The following SLC24A2 variants were observed in gnomAD, a reference collection of about 807,000 sequenced individuals.
SLC24A2 encodes solute carrier family 24 member 2.
A neutral mutation model predicts 62.0 loss-of-function variants in SLC24A2; 36 were observed. That is an observed-to-expected ratio of 0.58 (90% CI 0.44 to 0.77). SLC24A2 has a LOEUF of 0.77. SLC24A2 is among the 30% of genes least tolerant of loss of function. The probability of loss-of-function intolerance (pLI) is 0.00; values close to 1 mark genes in which losing one functional copy is unlikely to be tolerated. For synonymous variants in SLC24A2, 358 were observed against 294.0 expected (o/e 1.22, Z -2.23); for missense variants, 846 against 817.9 (o/e 1.03, Z -0.42).
the SLC24A2 span, among the ~76,000 whole-genome samples, chr9:20,078,021 G>T: frequency 6.6e-6 from 1 of 152,238 alleles, no homozygotes; most frequent in South Asian, 2.1e-4. Flanking sequence ...GGCACAGGGT[G>T]GGCACAGGGC....
the SLC24A2 span, among the ~76,000 whole-genome samples, chr9:20,018,606 C>G: frequency 6.6e-6 from 1 of 152,066 alleles, no homozygotes; most frequent in East Asian, 1.9e-4. Context: ...ACTTTTATAG[C>G]TTAAAAATTA....
At chr9:19,593,252 G>GTTCT (rs1836609731) in intron 5 of SLC24A2, among the ~76,000 whole-genome samples, 1 of 152,246 alleles carries the variant, frequency 6.6e-6, no homozygotes, top group South Asian at 2.1e-4. Context: ...AAGGTCATGA[G>GTTCT]TTCTTTAGGA....
At chr9:20,148,816 T>C in the SLC24A2 span, among the ~76,000 whole-genome samples, 4 of 152,046 alleles carry the variant, frequency 2.6e-5, no homozygotes, top group Admixed American at 1.3e-4. Flanking sequence ...ATGGAGCACA[T>C]ACCCCTTGAA....
the SLC24A2 span, among the ~76,000 whole-genome samples, chr9:20,069,481 T>C: frequency 5.3e-5 from 8 of 152,324 alleles, no homozygotes; most frequent in African/African-American, 1.9e-4. Context: ...GTTTAACAAA[T>C]TGTCCTAAAG....
At chr9:20,271,552 TCTCA>T in the SLC24A2 span, among the ~76,000 whole-genome samples, 1 of 152,236 alleles carries the variant, frequency 6.6e-6, no homozygotes, top group African/African-American at 2.4e-5. Context: ...CAGAAGGCTC[TCTCA>T]CTCACAGCAC....
chr9:20,030,261 C>T, the SLC24A2 span, among the ~76,000 whole-genome samples: 1 of 152,198 alleles, frequency 6.6e-6, no homozygotes, highest in Non-Finnish European at 1.5e-5. Flanking sequence ...GAAATTATTT[C>T]TGAAAGTTAT....
At chr9:20,022,999 A>G in the SLC24A2 span, among the ~76,000 whole-genome samples, 1 of 152,186 alleles carries the variant, frequency 6.6e-6, no homozygotes, top group Non-Finnish European at 1.5e-5. Flanking sequence ...TAATATGGAA[A>G]AGGAATTAAA....
chr9:20,012,460 T>G, the SLC24A2 span, among the ~76,000 whole-genome samples: 1 of 152,204 alleles, frequency 6.6e-6, no homozygotes, highest in African/African-American at 2.4e-5. Context: ...CAAAATGAAA[T>G]GTGGGTGGGG....
chr9:19,980,052 AAAT>A, the SLC24A2 span, among the ~76,000 whole-genome samples: 1 of 152,230 alleles, frequency 6.6e-6, no homozygotes. Flanking sequence ...CATGTAAAGG[AAAT>A]AGCACGAAGA....
At chr9:20,137,305 G>A in the SLC24A2 span, among the ~76,000 whole-genome samples, 2 of 152,138 alleles carry the variant, frequency 1.3e-5, no homozygotes, top group South Asian at 2.1e-4. Flanking sequence ...TATATGATGT[G>A]TCTCCACTGC....
At chr9:20,273,694 T>C in the SLC24A2 span, among the ~76,000 whole-genome samples, 1 of 152,172 alleles carries the variant, frequency 6.6e-6, no homozygotes. Context: ...TAAAACCTCT[T>C]TCTTTTGTAA....
At chr9:20,152,490 GA>G in the SLC24A2 span, among the ~76,000 whole-genome samples, 2 of 151,868 alleles carry the variant, frequency 1.3e-5, no homozygotes, top group African/African-American at 4.8e-5. Flanking sequence ...CAGGCAAATG[GA>G]AAGAAAAGCA....
rs139746083 is a variant in SLC24A2, at chr9:19,773,686, G to C, written c.930+12251C>G. 5.2e-3 allele frequency among the ~76,000 whole-genome samples: 785 copies of C among 152,214 alleles called. 7 individuals carry two copies. Among genetic ancestry groups the C allele is most frequent in the African/African-American group, 0.018 (757 of 41,512 alleles). ...GCTAGGCACCAGATACTGCAAATGG[G>C]ACCAGTTAGTTACTAAGTCAAGGGG... is the stretch of plus-strand genomic sequence containing the variant. On this transcript the variant is annotated intron_variant, in intron 2 of 10. Coordinates refer to ENST00000341998, the MANE Select transcript of SLC24A2 (RefSeq NM_020344.4).
At chr9:20,163,412 T>C in the SLC24A2 span, among the ~76,000 whole-genome samples, 6 of 151,966 alleles carry the variant, frequency 3.9e-5, no homozygotes, top group African/African-American at 7.3e-5. Context: ...TACCTAGGAA[T>C]CCAACTTACA....
At chr9:19,678,554 G>A (rs1042308620) in intron 2 of SLC24A2, among the ~76,000 whole-genome samples, 1 of 151,838 alleles carries the variant, frequency 6.6e-6, no homozygotes, top group Non-Finnish European at 1.5e-5. Context: ...TCTTGTCTTC[G>A]TTTCTTGAAT....
intron 5 of SLC24A2, among the ~76,000 whole-genome samples, chr9:19,579,707 A>T (rs1433734280): frequency 1.3e-5 from 2 of 152,216 alleles, no homozygotes; most frequent in Admixed American, 6.5e-5. Flanking sequence ...ACTCAACTCA[A>T]ATAATGTCCT....
At chr9:20,029,648 A>G in the SLC24A2 span, among the ~76,000 whole-genome samples, 2 of 152,210 alleles carry the variant, frequency 1.3e-5, no homozygotes, top group South Asian at 2.1e-4. Context: ...GAGATACTAC[A>G]TAGATTATTG....
chr9:20,076,361 G>C, the SLC24A2 span, among the ~76,000 whole-genome samples: 1 of 152,138 alleles, frequency 6.6e-6, no homozygotes, highest in Non-Finnish European at 1.5e-5. Context: ...CCAGTTTCTT[G>C]ACTCTCCTGG....
intron 2 of SLC24A2, among the ~76,000 whole-genome samples, chr9:19,636,359 CTTTCTTTCTTTCTTTCTTTCTT>C (rs1564009922): frequency 0.017 from 625 of 36,546 alleles, 85 homozygotes; most frequent in African/African-American, 0.068. Context: ...TTCTTTCTTT[CTTTCTTTCTTTCTTTCTTTCTT>C]TCTTTCTCCC....
Sources: gnomAD v4.1 joint callset for allele counts (sites outside exome capture counted in the v4.1 genomes callset) on GRCh38, gnomAD v4.1.1 for gene constraint, MANE v1.5 for transcripts, NCBI Gene and HGNC (gene_info 2026-07-23, HGNC 2026-07-21) for gene names.